Variants in NSD1 observed in about 807,000 individuals in gnomAD.
The protein encoded by NSD1 is nuclear receptor binding SET domain protein 1.
NSD1 carries 26 observed loss-of-function variants against 242.7 expected under a neutral mutation model. The ratio of observed to expected loss-of-function variants is 0.11; its 90% confidence interval spans 0.08 to 0.15. The LOEUF is 0.15. Ranked by LOEUF, NSD1 falls within the 10% of genes least tolerant of loss-of-function variation. The probability of loss-of-function intolerance (pLI) is 1.00; values close to 1 mark genes in which losing one functional copy is unlikely to be tolerated. For synonymous variants in NSD1, 1,106 were observed against 1,178.1 expected (o/e 0.94, Z 1.25); for missense variants, 2,495 against 3,272.8 (o/e 0.76, Z 5.80).
rs541419535 is a variant in NSD1, at chr5:177,259,183, C to A, written c.4967-806C>A. On this transcript the variant is annotated intron_variant, in intron 13 of 22. Coordinates refer to ENST00000439151, the MANE Select transcript of NSD1 (RefSeq NM_022455.5). ...GGTGAATTCATGTGTGCCAAAAGAA[C>A]CTTGACTTTTTCCATAGAGGATTGA... is the stretch of plus-strand genomic sequence containing the variant. 1.2e-4 allele frequency among the ~76,000 whole-genome samples: 19 copies of A among 152,312 alleles called. No individual in the cohort carries two copies. In the East Asian group the frequency reaches 3.1e-3, roughly 25 times the overall value.
intron 5 of NSD1, among the ~76,000 whole-genome samples, chr5:177,212,908 C>T (rs1258221960): frequency 1.3e-5 from 2 of 152,118 alleles, no homozygotes; most frequent in African/African-American, 4.8e-5. Flanking sequence ...GGGATACAGG[C>T]GTGAGCCACT....
At chr5:177,235,967 A>C (rs767302179) in intron 6 of NSD1, 22 bp downstream of exon 6, 3 of 1,613,700 alleles carry the variant, frequency 1.9e-6, no homozygotes, top group South Asian at 2.2e-5. Context: ...AATTTCAGCA[A>C]ACTTTCACTG....
chr5:177,275,550 C>T (rs1205560527), intron 17 of NSD1, among the ~76,000 whole-genome samples: 1 of 148,204 alleles, frequency 6.7e-6, no homozygotes, highest in East Asian at 2.1e-4. Context: ...TCTCCTGCCT[C>T]AGCCTCCCGA....
chr5:177,260,266 A>G, intron 14 of NSD1, 98 bp downstream of exon 14: 2 of 1,128,822 alleles, frequency 1.8e-6, no homozygotes, highest in Non-Finnish European at 2.6e-6. Context: ...GCCACTGGAA[A>G]AAATATTAGA....
chr5:177,242,438 C>G (rs1031674477), intron 8 of NSD1, among the ~76,000 whole-genome samples: 1 of 152,028 alleles, frequency 6.6e-6, no homozygotes, highest in Non-Finnish European at 1.5e-5. Context: ...ATAAAATGAG[C>G]ATTCAGAAAT....
In NSD1 at chr5:177,295,081, C is replaced by T. The variant is rs772533554; in HGVS notation, c.7713C>T (p.Ser2571=). Reference sequence around the variant, plus strand: ...CTGAGCAGACCCCAGGGCCTCTTAGCCAATCCCCGGGCCTGGTGAAGCAGG... The same window carrying T: ...CTGAGCAGACCCCAGGGCCTCTTAGTCAATCCCCGGGCCTGGTGAAGCAGG... ...AGAEQTPGPL[S]QSPGLVKQAK... The change falls in exon 23 of 23, where the codon AGC becomes AGT. Residue 2571 remains serine, a synonymous_variant. Coordinates refer to ENST00000439151, the MANE Select transcript of NSD1 (RefSeq NM_022455.5). This position sits in a 1 kb window ranked among gnomAD's most constrained non-coding sequence, Gnocchi z 4.3. The T allele has an allele frequency of 9.3e-6, 15 of 1,611,548 alleles. No individual in the cohort carries two copies. The highest frequency in any genetic ancestry group is 5.0e-5 in the Admixed American group (3 of 59,730).
intron 2 of NSD1, chr5:177,169,482 C>T: frequency 6.3e-6 from 1 of 159,004 alleles, no homozygotes; most frequent in South Asian, 1.7e-4. Flanking sequence ...TCGTTGTCAA[C>T]TTCCCATGGC....
chr5:177,272,372 ACTCT>A (rs1758012694), intron 16 of NSD1, among the ~76,000 whole-genome samples: 1 of 151,998 alleles, frequency 6.6e-6, no homozygotes, highest in Non-Finnish European at 1.5e-5. Context: ...ACACATACAA[ACTCT>A]GGTAGATGGC....
chr5:177,216,948 GTTTT>G (rs539879823), intron 5 of NSD1, among the ~76,000 whole-genome samples: 2 of 141,602 alleles, frequency 1.4e-5, no homozygotes, highest in Non-Finnish European at 3.1e-5. Context: ...AAGGCCTTCA[GTTTT>G]TTTTTTTTTT....
intron 2 of NSD1, among the ~76,000 whole-genome samples, chr5:177,172,001 T>C (rs946667362): frequency 1.3e-5 from 2 of 152,248 alleles, no homozygotes; most frequent in Non-Finnish European, 2.9e-5. Context: ...GGTAATTCCA[T>C]ACTTAACTCT....
intron 2 of NSD1, among the ~76,000 whole-genome samples, chr5:177,148,945 A>T (rs765573259): frequency 2.0e-5 from 3 of 151,958 alleles, no homozygotes; most frequent in African/African-American, 4.8e-5. Flanking sequence ...CAGCCTCCCA[A>T]GTAGCTGGGA....
chr5:177,229,258 A>G (rs1036249369), intron 5 of NSD1, among the ~76,000 whole-genome samples: 1 of 152,072 alleles, frequency 6.6e-6, no homozygotes, highest in East Asian at 1.9e-4. Context: ...GTCTACGGCT[A>G]TTGCTATACT....
Position 177,299,279 on chromosome 5 carries a change from A to G in NSD1, c.*3820A>G. On this transcript the variant is annotated 3_prime_UTR_variant, in exon 23 of 23. Coordinates refer to ENST00000439151, the MANE Select transcript of NSD1 (RefSeq NM_022455.5). ...CAAGAAACCCGGGTTCCTGTTTGGG[A>G]GGAGATTTTATGTAGAAAAGTTTGA... 1 of 233,232 alleles carries G rather than the reference A, an allele frequency of 4.3e-6. No individual in the cohort carries two copies. The highest frequency in any genetic ancestry group is 8.5e-6 in the Non-Finnish European group (1 of 118,044). The allele number at this position is 233,232 out of a possible 1,614,324, so 14.4% of individuals were successfully genotyped here.
chr5:177,140,938 G>C (rs972395331), intron 2 of NSD1, among the ~76,000 whole-genome samples: 5 of 152,104 alleles, frequency 3.3e-5, no homozygotes, highest in African/African-American at 1.2e-4. Flanking sequence ...TCCCTCCTTA[G>C]CTATCTTGGA....
intron 8 of NSD1, 133 bp downstream of exon 8, chr5:177,239,998 A>C: frequency 1.6e-6 from 1 of 621,940 alleles, no homozygotes. Flanking sequence ...GCAGTCATAC[A>C]TGATCTGAGA....
Position 177,297,704 on chromosome 5 carries a change from G to A in NSD1, c.*2245G>A, listed in dbSNP as rs1032675328. On this transcript the variant is annotated 3_prime_UTR_variant, in exon 23 of 23. Coordinates refer to ENST00000439151, the MANE Select transcript of NSD1 (RefSeq NM_022455.5). Reference sequence around the variant, plus strand: ...CGTGCAGGCCATGTAAAAATTTTCCGTGGAGAAGTTTGATTCTAAAGTAGC... The same window carrying A: ...CGTGCAGGCCATGTAAAAATTTTCCATGGAGAAGTTTGATTCTAAAGTAGC... The A allele has an allele frequency of 4.7e-5, 11 of 232,342 alleles. No individual in the cohort carries two copies. The South Asian group carries it at 5.4e-4, about 11-fold the overall frequency. The allele number at this position is 232,342 out of a possible 1,614,324, so 14.4% of individuals were successfully genotyped here. A position where few individuals can be genotyped will look rare whatever the true frequency, so the allele number is the denominator to read the frequency against.
At position 177,210,074 on chromosome 5, in the gene NSD1, A is replaced by C; in HGVS notation, c.1675A>C (p.Thr559Pro). 6.2e-7 allele frequency: 1 copy of C among 1,613,878 alleles called. No individual in the cohort carries two copies. Among genetic ancestry groups the C allele is most frequent in the Middle Eastern group, 1.7e-4 (1 of 6,058 alleles). The change falls in exon 5 of 23, where the codon ACA (threonine) becomes CCA (proline). Residue 559 changes from threonine to proline, a missense_variant. This residue lies in a region of NSD1 where 515 missense variants were observed against 467.0 expected (regional missense o/e 1.10). Coordinates refer to ENST00000439151, the MANE Select transcript of NSD1 (RefSeq NM_022455.5). Reference protein sequence around the residue: ...NELSRIANSLTGSNTAPGSFL... With the variant: ...NELSRIANSLPGSNTAPGSFL... ...ACTTTCCAGGATAGCAAATAGCCTCACAGGGTCCAACACTGCCCCAGGAAG... is the reference window on the plus strand; with the variant it reads ...ACTTTCCAGGATAGCAAATAGCCTCCCAGGGTCCAACACTGCCCCAGGAAG...
Position 177,211,570 on chromosome 5 carries a change from T to C in NSD1, c.3171T>C (p.Asn1057=), listed in dbSNP as rs1763344554. 6.2e-7 allele frequency: 1 copy of C among 1,613,970 alleles called. No individual in the cohort carries two copies. The highest frequency in any genetic ancestry group is 1.3e-5 in the African/African-American group (1 of 74,962). The change falls in exon 5 of 23, where the codon AAT becomes AAC. Residue 1057 remains asparagine (N), a synonymous_variant. Transcript: ENST00000439151. ...AGACCGAGCGCAAAAGAAAACTGAA[T>C]CAGCTTCCAAGTGTGACTCTTGATG... ...ALKTERKRKL[N]QLPSVTLDAV...
chr5:177,197,124 G>T (rs1319433260), intron 3 of NSD1, among the ~76,000 whole-genome samples: 2 of 152,034 alleles, frequency 1.3e-5, no homozygotes, highest in South Asian at 2.1e-4. Context: ...CAAAAAATTA[G>T]CTGGGCGTGG....
Sources: gnomAD v4.1 joint callset for allele counts (sites outside exome capture counted in the v4.1 genomes callset) on GRCh38, gnomAD v4.1.1 for gene constraint, gnomAD v4.1.1 regional missense constraint, Gnocchi (gnomAD v3.1) non-coding constraint, MANE v1.5 for transcripts, NCBI Gene and HGNC (gene_info 2026-07-23, HGNC 2026-07-21) for gene names.